Variants in ULK4 observed in about 807,000 individuals in gnomAD.
ULK4 encodes the protein unc-51 like kinase 4, also known as inactive serine/threonine-protein kinase ULK4.
In ULK4, 133 loss-of-function variants were observed where a neutral mutation model predicts 160.6. That is an observed-to-expected ratio of 0.83 (90% CI 0.72 to 0.96). The LOEUF is 0.96. Ranked by LOEUF, ULK4 falls within the 40% of genes least tolerant of loss-of-function variation. The probability of loss-of-function intolerance (pLI) is 0.00; values close to 1 mark genes in which losing one functional copy is unlikely to be tolerated. For synonymous variants in ULK4, 534 were observed against 539.8 expected (o/e 0.99, Z 0.15); for missense variants, 1,580 against 1,499.5 (o/e 1.05, Z -0.89).
chr3:41,911,737 G>A, intron 9 of ULK4, 78 bp from the exon 10 acceptor site: 2 of 1,103,324 alleles, frequency 1.8e-6, no homozygotes, highest in South Asian at 1.3e-5. Context: ...AAAGAGGTTG[G>A]AGAAGATAAT....
intron 35 of ULK4, among the ~76,000 whole-genome samples, chr3:41,383,979 T>A (rs2081737377): frequency 6.6e-6 from 1 of 152,208 alleles, no homozygotes; most frequent in Non-Finnish European, 1.5e-5. Context: ...TTTATAGTTT[T>A]TACCCTTTAC....
intron 28 of ULK4, 30 bp downstream of exon 28, chr3:41,681,723 T>A (rs374299955): frequency 1.6e-5 from 26 of 1,613,918 alleles, no homozygotes; most frequent in Non-Finnish European, 2.2e-5. Context: ...GTGTAACTGA[T>A]GCAATTCTTG....
At chr3:41,492,623 A>T (rs1262960695) in intron 32 of ULK4, among the ~76,000 whole-genome samples, 4 of 151,498 alleles carry the variant, frequency 2.6e-5, no homozygotes, top group Non-Finnish European at 5.9e-5. Flanking sequence ...ATTAAAAGAC[A>T]CAGACTGGCA....
chr3:41,580,902 A>C (rs1246381765), intron 31 of ULK4, among the ~76,000 whole-genome samples: 2 of 152,206 alleles, frequency 1.3e-5, no homozygotes. Flanking sequence ...CCCAGGAAAG[A>C]CCACACAGGG....
At chr3:41,850,040 CT>C (rs535704846) in intron 17 of ULK4, among the ~76,000 whole-genome samples, 73 of 152,212 alleles carry the variant, frequency 4.8e-4, no homozygotes, top group Non-Finnish European at 9.3e-4. Flanking sequence ...CAATTCCCAC[CT>C]ATGAGTGAGA....
At chr3:41,354,278 T>G (rs80141880) in intron 35 of ULK4, among the ~76,000 whole-genome samples, 359 of 152,276 alleles carry the variant, frequency 2.4e-3, no homozygotes, top group Admixed American at 4.9e-3. Flanking sequence ...AGGGGCTATG[T>G]TGATATCATG....
intron 17 of ULK4, chr3:41,859,416 G>A (rs2042445074): frequency 1.8e-6 from 1 of 561,848 alleles, no homozygotes; most frequent in South Asian, 1.4e-5. Context: ...AGAGAGGGTT[G>A]AGTTGGGCCA....
chr3:41,259,048 ATATATG>A (rs747026822), intron 35 of ULK4, among the ~76,000 whole-genome samples: 81 of 135,970 alleles, frequency 6.0e-4, no homozygotes, highest in African/African-American at 9.8e-4. Context: ...GTATACACAC[ATATATG>A]TATATGTATA....
intron 35 of ULK4, among the ~76,000 whole-genome samples, chr3:41,370,322 C>A (rs531521372): frequency 6.6e-6 from 1 of 152,310 alleles, no homozygotes; most frequent in South Asian, 2.1e-4. Flanking sequence ...GAGACTATCA[C>A]TTTATGATAA....
At position 41,615,693 on chromosome 3, in the gene ULK4, G is replaced by C. The variant is rs753075789; in HGVS notation, c.3096C>G (p.Ile1032Met). ...FTRLVEESKL[I>M]PLIFEVTLEH... ...CCAGAGTTACTTCAAAAATGAGTGGGATCAGTTTGCTTTCTTCCACAAGTC... is the reference window on the plus strand; with the variant it reads ...CCAGAGTTACTTCAAAAATGAGTGGCATCAGTTTGCTTTCTTCCACAAGTC... Residue 1032 changes from isoleucine (I) to methionine (M), a missense_variant, in exon 31 of 37, where the codon ATC becomes ATG. Transcript: ENST00000301831. The C allele has an allele frequency of 2.5e-5, 40 of 1,612,978 alleles. No individual in the cohort carries two copies. In the Admixed American group the frequency reaches 6.5e-4, roughly 26 times the overall value.
intron 35 of ULK4, among the ~76,000 whole-genome samples, chr3:41,295,051 T>A (rs1261799624): frequency 6.6e-6 from 1 of 152,152 alleles, no homozygotes; most frequent in Non-Finnish European, 1.5e-5. Context: ...CAAGATGTAC[T>A]AAAAAGCGAC....
At chr3:41,540,631 T>G (rs561091701) in intron 32 of ULK4, among the ~76,000 whole-genome samples, 233 of 152,348 alleles carry the variant, frequency 1.5e-3, no homozygotes, top group African/African-American at 5.3e-3. Context: ...CCACAATGGT[T>G]GAACTAATTT....
At chr3:41,677,495 C>T (rs1394054353) in intron 29 of ULK4, among the ~76,000 whole-genome samples, 3 of 151,956 alleles carry the variant, frequency 2.0e-5, no homozygotes, top group Non-Finnish European at 4.4e-5. Context: ...TCACACCCAG[C>T]TAATTTTTTG....
chr3:41,502,201 T>C (rs558573879), intron 32 of ULK4, among the ~76,000 whole-genome samples: 26 of 152,384 alleles, frequency 1.7e-4, no homozygotes, highest in Admixed American at 7.2e-4. Context: ...TCATTTCCGT[T>C]GGATATATTC....
chr3:41,423,868 C>T (rs986623532), intron 34 of ULK4, among the ~76,000 whole-genome samples: 19 of 152,168 alleles, frequency 1.2e-4, no homozygotes, highest in Admixed American at 1.2e-3. Context: ...TCTATGCGAC[C>T]CACAGATCAA....
intron 2 of ULK4, among the ~76,000 whole-genome samples, chr3:41,953,427 T>G (rs922527737): frequency 6.6e-6 from 1 of 151,322 alleles, no homozygotes; most frequent in African/African-American, 2.4e-5. Context: ...CTCAGCCTCC[T>G]GAGTAGCTGG....
chr3:41,701,667 T>C (rs2036679483), intron 27 of ULK4, among the ~76,000 whole-genome samples: 1 of 152,056 alleles, frequency 6.6e-6, no homozygotes, highest in South Asian at 2.1e-4. Flanking sequence ...TAAATGTAAA[T>C]GAACATTAAC....
Position 41,772,873 on chromosome 3 carries a change from TG to T in ULK4, c.2193+16787del, listed in dbSNP as rs1458952123. 5.3e-5 allele frequency among the ~76,000 whole-genome samples: 8 copies of T among 152,322 alleles called. No individual in the cohort carries two copies. In the South Asian group the frequency reaches 1.7e-3, roughly 32 times the overall value. On this transcript the variant is annotated intron_variant, in intron 21 of 36. Coordinates refer to ENST00000301831, the MANE Select transcript of ULK4 (RefSeq NM_017886.4). ...AGCACATCAAAAAGCTTATCCACCATGATCAAGTGGGCTTCATCCCTGGGAT... is the reference window on the plus strand; with the variant it reads ...AGCACATCAAAAAGCTTATCCACCATATCAAGTGGGCTTCATCCCTGGGAT...
chr3:41,712,242 A>G (rs1032050321), intron 25 of ULK4, among the ~76,000 whole-genome samples: 35 of 152,224 alleles, frequency 2.3e-4, no homozygotes, highest in Non-Finnish European at 1.0e-4. Context: ...CCCTAGTGCC[A>G]TTATAAAAAT....
Sources: gnomAD v4.1 joint callset for allele counts (sites outside exome capture counted in the v4.1 genomes callset) on GRCh38, gnomAD v4.1.1 for gene constraint, MANE v1.5 for transcripts, NCBI Gene and HGNC (gene_info 2026-07-23, HGNC 2026-07-21) for gene names.